Variants in CLYBL observed in about 807,000 individuals in gnomAD.
CLYBL encodes citramalyl-CoA lyase, also known as citramalyl-CoA lyase, mitochondrial.
CLYBL carries 31 observed loss-of-function variants against 38.9 expected under a neutral mutation model. The ratio of observed to expected loss-of-function variants is 0.80; its 90% confidence interval spans 0.60 to 1.08. CLYBL has a LOEUF of 1.08. Among genes scored for constraint, CLYBL ranks in the 50% least tolerant of loss-of-function variants. The probability of loss-of-function intolerance (pLI) is 0.00; values close to 1 mark genes in which losing one functional copy is unlikely to be tolerated. For missense variants in CLYBL, 434 were observed against 411.6 expected, an observed-to-expected ratio of 1.05 and a Z score of -0.47; for synonymous variants, 171 against 158.6, an observed-to-expected ratio of 1.08 and a Z score of -0.59.
At chr13:99,728,382 G>C (rs924239799) in intron 1 of CLYBL, among the ~76,000 whole-genome samples, 2 of 150,300 alleles carry the variant, frequency 1.3e-5, no homozygotes, top group African/African-American at 4.9e-5. Context: ...GGGTTCAAGC[G>C]ATTATCCTGC....
chr13:99,665,600 C>A (rs2047469295), intron 1 of CLYBL, among the ~76,000 whole-genome samples: 1 of 151,032 alleles, frequency 6.6e-6, no homozygotes. Flanking sequence ...AAAAAAAAAA[C>A]CCAAAACTCC....
chr13:99,726,280 A>G (rs2048470796), intron 1 of CLYBL: 1 of 152,208 alleles, frequency 6.6e-6, no homozygotes, highest in Non-Finnish European at 1.5e-5. Flanking sequence ...CTCTTCCTCC[A>G]TGCCAGGCTC....
At chr13:99,655,823 C>T (rs980158338) in intron 1 of CLYBL, among the ~76,000 whole-genome samples, 3 of 152,130 alleles carry the variant, frequency 2.0e-5, no homozygotes, top group African/African-American at 7.2e-5. Context: ...TACAGAGCAC[C>T]TAGGAAGAGA....
At chr13:99,653,410 C>A (rs576961325) in intron 1 of CLYBL, among the ~76,000 whole-genome samples, 1 of 152,200 alleles carries the variant, frequency 6.6e-6, no homozygotes, top group Non-Finnish European at 1.5e-5. Flanking sequence ...GGGGGAGCAC[C>A]CAGCACACTT....
intron 2 of CLYBL, among the ~76,000 whole-genome samples, chr13:99,836,332 G>A (rs1177314261): frequency 6.6e-6 from 1 of 152,184 alleles, no homozygotes; most frequent in Non-Finnish European, 1.5e-5. Flanking sequence ...GGAGAGGGTG[G>A]TGACACAAAG....
At chr13:99,888,910 A>G (rs1194115513) in intron 7 of CLYBL, among the ~76,000 whole-genome samples, 1 of 152,082 alleles carries the variant, frequency 6.6e-6, no homozygotes, top group Non-Finnish European at 1.5e-5. Context: ...ATACCACCTA[A>G]ATTATAGGTG....
At chr13:99,874,796 ACAGT>A (rs1566363279) in intron 7 of CLYBL, among the ~76,000 whole-genome samples, 1 of 152,226 alleles carries the variant, frequency 6.6e-6, no homozygotes, top group African/African-American at 2.4e-5. Flanking sequence ...GCTAAAGGAA[ACAGT>A]CAGTTGCTTT....
At position 99,819,416 on chromosome 13, in the gene CLYBL, TTATATATATA is replaced by T. The variant is rs71715024; in HGVS notation, c.250-39402_250-39393del. Among the ~76,000 whole-genome samples, 176 of 18,350 alleles carry T rather than the reference TTATATATATA, an allele frequency of 9.6e-3. 1 individual carries two copies. The highest frequency in any genetic ancestry group is 0.019 in the African/African-American group (79 of 4,132). The allele number at this position is 18,350 out of a possible 152,430, so 12.0% of individuals were successfully genotyped here. Reference sequence around the variant, plus strand: ...ACTTGTATTATCACTGGGAAAAAATTTATATATATATATATATATATATATATATATATAT... The same window carrying T: ...ACTTGTATTATCACTGGGAAAAAATTTATATATATATATATATATATATAT... On this transcript the variant is annotated intron_variant, in intron 2 of 8. Coordinates refer to ENST00000339105, the MANE Select transcript of CLYBL (RefSeq NM_206808.5).
At chr13:99,710,145 C>T (rs2048208367) in intron 1 of CLYBL, among the ~76,000 whole-genome samples, 1 of 152,088 alleles carries the variant, frequency 6.6e-6, no homozygotes, top group South Asian at 2.1e-4. Flanking sequence ...ATCTGCTGAC[C>T]TCGTGATCTG....
At chr13:99,752,292 C>T (rs117954723) in intron 1 of CLYBL, among the ~76,000 whole-genome samples, 28 of 152,288 alleles carry the variant, frequency 1.8e-4, no homozygotes, top group Non-Finnish European at 3.8e-4. Context: ...TAGCCTGCCA[C>T]CCAGCCTAGC....
chr13:99,745,173 TCTAA>T (rs2048827338), intron 1 of CLYBL, among the ~76,000 whole-genome samples: 1 of 152,374 alleles, frequency 6.6e-6, no homozygotes, highest in African/African-American at 2.4e-5. Context: ...TCTCTCCATC[TCTAA>T]CTGACCTATT....
At chr13:99,858,178 A>G (rs2051505488) in intron 2 of CLYBL, among the ~76,000 whole-genome samples, 1 of 152,202 alleles carries the variant, frequency 6.6e-6, no homozygotes, top group Non-Finnish European at 1.5e-5. Context: ...GCTTTTCTGA[A>G]CTGTGGAGCA....
chr13:99,859,529 T>C (rs1355859284), intron 3 of CLYBL, among the ~76,000 whole-genome samples: 4 of 152,230 alleles, frequency 2.6e-5, no homozygotes, highest in Non-Finnish European at 5.9e-5. Context: ...GGTCACTCTT[T>C]AGGGCAACTG....
chr13:99,610,233 G>A (rs751945074), intron 1 of CLYBL, among the ~76,000 whole-genome samples: 3 of 152,152 alleles, frequency 2.0e-5, no homozygotes, highest in Non-Finnish European at 2.9e-5. Flanking sequence ...GTTTCCTTTC[G>A]TTTTTTGAAC....
At chr13:99,718,025 TTTTG>T (rs989337490) in intron 1 of CLYBL, among the ~76,000 whole-genome samples, 7 of 152,018 alleles carry the variant, frequency 4.6e-5, no homozygotes, top group African/African-American at 1.7e-4. Context: ...TCTTACTGTT[TTTTG>T]TTTGTTTGCT....
chr13:99,816,076 G>A (rs2050441012), intron 2 of CLYBL, among the ~76,000 whole-genome samples: 1 of 152,126 alleles, frequency 6.6e-6, no homozygotes, highest in Admixed American at 6.5e-5. Flanking sequence ...GTGCCCAAAT[G>A]TTCAAGGCAT....
chr13:99,684,808 G>T, intron 1 of CLYBL, among the ~76,000 whole-genome samples: 1 of 152,314 alleles, frequency 6.6e-6, no homozygotes, highest in East Asian at 1.9e-4. Flanking sequence ...TGAACCATGG[G>T]TTGGAGTGAA....
At chr13:99,676,210 T>TTCCTTCCTTCCCTCCGTCCG (rs1566606831) in intron 1 of CLYBL, among the ~76,000 whole-genome samples, 1 of 78,512 alleles carries the variant, frequency 1.3e-5, no homozygotes, top group East Asian at 8.0e-4. Flanking sequence ...CCTTCCTTCC[T>TTCCTTCCTTCCCTCCGTCCG]TCCTTCCTTC....
At chr13:99,786,200 CTTT>C (rs199863527) in intron 2 of CLYBL, among the ~76,000 whole-genome samples, 1 of 122,554 alleles carries the variant, frequency 8.2e-6, no homozygotes, top group Admixed American at 8.3e-5. Context: ...CTTAGCTTTC[CTTT>C]TTTTTTTTTT....
Sources: allele counts gnomAD v4.1 joint callset (sites outside exome capture counted in the v4.1 genomes callset), GRCh38; gene constraint gnomAD v4.1.1; transcripts MANE v1.5; gene names NCBI Gene and HGNC (gene_info 2026-07-23, HGNC 2026-07-21).